Variants in DYSF observed in about 807,000 individuals in gnomAD.
DYSF encodes dystrophy-associated fer-1-like 1.
Under a neutral mutation model 274.9 loss-of-function variants are expected in DYSF, and 212 were observed. The ratio of observed to expected loss-of-function variants is 0.77; its 90% CI spans 0.69 to 0.86. DYSF has a LOEUF of 0.86. DYSF is among the 40% of genes least tolerant of loss of function. DYSF has a pLI of 0.00. For synonymous variants in DYSF, 1,091 were observed against 1,078.7 expected (o/e 1.01, Z -0.22); for missense variants, 2,666 against 2,783.2 (o/e 0.96, Z 0.95).
At chr2:71,508,743 G>A (rs1407133939) in intron 4 of DYSF, among the ~76,000 whole-genome samples, 3 of 152,148 alleles carry the variant, frequency 2.0e-5, no homozygotes, top group African/African-American at 4.8e-5. Flanking sequence ...GGGTGTCCCC[G>A]CTAATCGTTC....
chr2:71,528,286 C>T lies in DYSF; in HGVS notation c.1277-12C>T. 2 of 1,610,736 alleles carry T rather than the reference C, an allele frequency of 1.2e-6. No individual in the cohort carries two copies. The highest frequency in any genetic ancestry group is 1.7e-6 in the Non-Finnish European group (2 of 1,177,718). On this transcript the variant is annotated splice_polypyrimidine_tract_variant and intron_variant, in intron 13 of 55. Transcript: ENST00000410020. ...AGCAGGCAGGCAGTGACTGGTGTGT[C>T]CCTCTTCCCAGTGGACGATGCCGTG...
rs2093792218 is a variant in DYSF at position 71,612,683 on chromosome 2, A to G, written c.4264A>G (p.Lys1422Glu). 1 of 1,614,020 alleles carries G rather than the reference A, an allele frequency of 6.2e-7. No individual in the cohort carries two copies. The highest frequency in any genetic ancestry group is 1.7e-5 in the Admixed American group (1 of 60,002). ...GCTCTACTGCCCCCCCATCACCGTCAAGGTCATCGATAACCGCCAGTTTGG... is the reference window on the plus strand; with the variant it reads ...GCTCTACTGCCCCCCCATCACCGTCGAGGTCATCGATAACCGCCAGTTTGG... Reference protein sequence around the residue: ...EELYCPPITVKVIDNRQFGRR... With the variant: ...EELYCPPITVEVIDNRQFGRR... Residue 1422 changes from lysine to glutamate, a missense_variant, in exon 39 of 56, where the codon AAG becomes GAG. Physicochemically the swap from Lys to Glu is moderately conservative, Grantham distance 56. Coordinates refer to ENST00000410020, the MANE Select transcript of DYSF (RefSeq NM_001130987.2).
intron 52 of DYSF, 150 bp downstream of exon 52, chr2:71,674,446 C>A: frequency 1.3e-6 from 1 of 764,840 alleles, no homozygotes; most frequent in East Asian, 2.7e-5. Flanking sequence ...TCATGTGTCC[C>A]CAGTGTTAAG....
chr2:71,515,365 C>A (rs2086545630), intron 7 of DYSF, among the ~76,000 whole-genome samples: 2 of 152,158 alleles, frequency 1.3e-5, no homozygotes, highest in African/African-American at 4.8e-5. Flanking sequence ...TATCTGCCCA[C>A]CCCTGGGGTT....
chr2:71,559,290 G>A (rs2091558853), intron 22 of DYSF, among the ~76,000 whole-genome samples: 1 of 152,150 alleles, frequency 6.6e-6, no homozygotes, highest in Non-Finnish European at 1.5e-5. Context: ...CTTTTCCTGG[G>A]TCCCCAGAAT....
intron 13 of DYSF, 75 bp downstream of exon 13, chr2:71,526,421 C>CGTGGGG: frequency 8.1e-5 from 22 of 272,068 alleles, no homozygotes; most frequent in East Asian, 1.9e-4. Flanking sequence ...TGGGCGATGG[C>CGTGGGG]GGGCGGGGTC....
intron 16 of DYSF, among the ~76,000 whole-genome samples, chr2:71,538,316 G>A (rs2089593539): frequency 6.6e-6 from 1 of 152,180 alleles, no homozygotes; most frequent in Non-Finnish European, 1.5e-5. Flanking sequence ...GGGAGGGTCT[G>A]CATAGGATGT....
At chr2:71,679,387 C>A (rs2095267965) in intron 53 of DYSF, 152 bp downstream of exon 53, 2 of 809,678 alleles carry the variant, frequency 2.5e-6, no homozygotes, top group Non-Finnish European at 1.9e-6. Context: ...TCTCTATTTT[C>A]CAAGGCATTC....
chr2:71,580,867 C>A lies in DYSF; in HGVS notation c.3402+6496C>A, dbSNP rs149405650. Among the ~76,000 whole-genome samples the A allele has an allele frequency of 2.5e-3, 383 of 152,334 alleles. 5 individuals are homozygous for A. The highest frequency in any genetic ancestry group is 0.016 in the East Asian group (82 of 5,174). On this transcript the variant is annotated intron_variant, in intron 30 of 55. Coordinates refer to ENST00000410020, the MANE Select transcript of DYSF (RefSeq NM_001130987.2). ...CCCCAAGGTCTGGAGGATTCGATTG[C>A]GTGTCCATGTGCCTCAGGCAAAATG... is the stretch of plus-strand genomic sequence containing the variant.
At chr2:71,486,421 T>C (rs114305655) in intron 3 of DYSF, among the ~76,000 whole-genome samples, 2,956 of 152,218 alleles carry the variant, frequency 0.019, 113 homozygotes, top group African/African-American at 0.068. Flanking sequence ...CCTCCTTTTA[T>C]TCTTTCTCTC....
At chr2:71,546,763 C>T (rs933925596) in intron 17 of DYSF, among the ~76,000 whole-genome samples, 2 of 152,256 alleles carry the variant, frequency 1.3e-5, no homozygotes, top group Non-Finnish European at 1.5e-5. Flanking sequence ...ATGCTGATTT[C>T]CCAGCAGTTT....
intron 36 of DYSF, among the ~76,000 whole-genome samples, chr2:71,609,520 C>T (rs1342602673): frequency 6.6e-6 from 1 of 152,168 alleles, no homozygotes; most frequent in Non-Finnish European, 1.5e-5. Flanking sequence ...CAGCCATTTA[C>T]TAAGCGCCTC....
At chr2:71,676,470 G>A (rs1404005107) in intron 52 of DYSF, among the ~76,000 whole-genome samples, 2 of 151,814 alleles carry the variant, frequency 1.3e-5, no homozygotes, top group African/African-American at 4.8e-5. Flanking sequence ...GATTTTCAGA[G>A]CCTTTTATGT....
In DYSF at chr2:71,515,605, C is replaced by G; in HGVS notation, c.760-18C>G. On this transcript the variant is annotated intron_variant, in intron 7 of 55. Transcript: ENST00000410020. ...CTCTTCCCCCTTCCTCCTGCTCTTT[C>G]CTCCTTCTGGCTTTCAGATCAGGGT... is the stretch of plus-strand genomic sequence containing the variant. 6.2e-7 allele frequency: 1 copy of G among 1,613,948 alleles called. No individual in the cohort carries two copies.
At chr2:71,470,614 C>T (rs2081938497) in intron 1 of DYSF, among the ~76,000 whole-genome samples, 2 of 137,516 alleles carry the variant, frequency 1.5e-5, no homozygotes, top group South Asian at 4.6e-4. Context: ...ACGGAGGTTG[C>T]AGTGAGCCAA....
intron 17 of DYSF, among the ~76,000 whole-genome samples, chr2:71,542,710 C>T (rs1367058511): frequency 6.6e-6 from 1 of 152,178 alleles, no homozygotes; most frequent in Admixed American, 6.5e-5. Flanking sequence ...AGATCAACAG[C>T]ATCCCAAGGC....
chr2:71,494,462 GC>G (rs1296208812), intron 3 of DYSF, among the ~76,000 whole-genome samples: 2 of 152,204 alleles, frequency 1.3e-5, no homozygotes, highest in Non-Finnish European at 2.9e-5. Context: ...CAAATATCCT[GC>G]TTCTCAAGAA....
intron 34 of DYSF, chr2:71,601,184 A>G (rs1451762583): frequency 5.1e-6 from 3 of 589,134 alleles, no homozygotes; most frequent in African/African-American, 3.7e-5. Context: ...TGGCTTCACC[A>G]TGACCTAGCC....
At chr2:71,528,696 A>G (rs2088274621) in intron 14 of DYSF, among the ~76,000 whole-genome samples, 1 of 152,228 alleles carries the variant, frequency 6.6e-6, no homozygotes, top group Non-Finnish European at 1.5e-5. Flanking sequence ...GGGAAAATGG[A>G]GCAATAGCAT....
Sources: allele counts gnomAD v4.1 joint callset (sites outside exome capture counted in the v4.1 genomes callset), GRCh38; gene constraint gnomAD v4.1.1; transcripts MANE v1.5; gene names NCBI Gene and HGNC (gene_info 2026-07-23, HGNC 2026-07-21).